Variants in LRP1B observed in about 807,000 individuals in gnomAD.
LRP1B encodes the protein LDL receptor related protein 1B.
A neutral mutation model predicts 556.6 loss-of-function variants in LRP1B; 217 were observed. That is an observed-to-expected ratio of 0.39 (90% CI 0.35 to 0.44). LRP1B has a LOEUF of 0.44. Among genes scored for constraint, LRP1B ranks in the 20% least tolerant of loss-of-function variants. The pLI, the probability that LRP1B is intolerant of heterozygous loss-of-function variation, is 1.00. For synonymous variants in LRP1B, 2,047 were observed against 1,865.8 expected (o/e 1.10, Z -2.50); for missense variants, 5,053 against 5,620.8 (o/e 0.90, Z 3.23).
chr2:141,577,205 C>T (rs182910068), intron 2 of LRP1B, among the ~76,000 whole-genome samples: 125 of 152,174 alleles, frequency 8.2e-4, no homozygotes, highest in East Asian at 1.4e-3. Context: ...GGAAGATCAC[C>T]TAAATCTTTT....
chr2:141,482,462 G>C (rs1366696769), intron 2 of LRP1B, among the ~76,000 whole-genome samples: 5 of 151,940 alleles, frequency 3.3e-5, no homozygotes, highest in Middle Eastern at 3.2e-3. Flanking sequence ...TCTGTAACTT[G>C]AGTATCAATA....
At chr2:140,952,312 T>C (rs1174594614) in intron 18 of LRP1B, among the ~76,000 whole-genome samples, 1 of 151,974 alleles carries the variant, frequency 6.6e-6, no homozygotes, top group Non-Finnish European at 1.5e-5. Context: ...GTAATGTGTT[T>C]ATGCTTTAAT....
chr2:141,782,115 A>G (rs1574353409), intron 2 of LRP1B, among the ~76,000 whole-genome samples: 1 of 152,246 alleles, frequency 6.6e-6, no homozygotes, highest in South Asian at 2.1e-4. Context: ...ATTCAGCTAG[A>G]AAAATGCTGC....
chr2:141,911,277 A>G lies in LRP1B; in HGVS notation c.83-100876T>C, dbSNP rs1404276372. ...ATGCAATCTCTCTTTAACCACTTCT[A>G]TAATACTGTCAAAACAGTTCATTCC... On this transcript the variant is annotated intron_variant, in intron 1 of 90. Transcript: ENST00000389484. Among the ~76,000 whole-genome samples the G allele has an allele frequency of 3.3e-5, 5 of 152,180 alleles. No individual in the cohort carries two copies. The East Asian group carries it at 7.7e-4, about 23-fold the overall frequency.
intron 43 of LRP1B, among the ~76,000 whole-genome samples, chr2:140,584,108 C>A (rs1681888199): frequency 6.6e-6 from 1 of 151,832 alleles, no homozygotes; most frequent in African/African-American, 2.4e-5. Context: ...GAAATATTGC[C>A]TCAAGCTCAA....
chr2:140,241,581 G>A (rs528294278), intron 87 of LRP1B, among the ~76,000 whole-genome samples: 3 of 150,602 alleles, frequency 2.0e-5, no homozygotes, highest in Non-Finnish European at 4.5e-5. Flanking sequence ...GATGGCAGTT[G>A]CAATCCCATA....
intron 1 of LRP1B, among the ~76,000 whole-genome samples, chr2:142,124,140 G>A (rs1019182547): frequency 1.3e-5 from 2 of 151,758 alleles, no homozygotes; most frequent in Non-Finnish European, 3.0e-5. Context: ...TACCACCCAG[G>A]TGTTAAGCCC....
chr2:141,162,013 G>T (rs1680058385), intron 7 of LRP1B, among the ~76,000 whole-genome samples: 1 of 152,026 alleles, frequency 6.6e-6, no homozygotes, highest in South Asian at 2.1e-4. Context: ...AAAGGGGTGT[G>T]AAGATTATAT....
rs1574006791 is a variant in LRP1B, at chr2:141,490,298, A to T, written c.206-9765T>A. Among the ~76,000 whole-genome samples, 3 of 151,872 alleles carry T rather than the reference A, an allele frequency of 2.0e-5. No homozygotes were observed. In the South Asian group the frequency reaches 6.2e-4, roughly 32 times the overall value. ...GTATTATTATGAATATAAACAATGGATGTCTAGTTAACATCCTTTTACTGA... is the reference window on the plus strand; with the variant it reads ...GTATTATTATGAATATAAACAATGGTTGTCTAGTTAACATCCTTTTACTGA... On this transcript the variant is annotated intron_variant, in intron 2 of 90. Transcript: ENST00000389484.
At chr2:140,267,291 T>A (rs1447935964) in intron 86 of LRP1B, among the ~76,000 whole-genome samples, 1 of 151,988 alleles carries the variant, frequency 6.6e-6, no homozygotes, top group Admixed American at 6.6e-5. Context: ...TTGCTTCTTA[T>A]ATGGTTTAAC....
chr2:140,298,139 A>ATAT (rs1211389645), intron 83 of LRP1B, among the ~76,000 whole-genome samples, 170 bp from the exon 84 acceptor site: 1 of 152,160 alleles, frequency 6.6e-6, no homozygotes, highest in Non-Finnish European at 1.5e-5. Context: ...TCAGTTTTTC[A>ATAT]TATGTTCAAG....
intron 31 of LRP1B, among the ~76,000 whole-genome samples, chr2:140,818,726 A>G (rs1009617050): frequency 6.6e-6 from 1 of 152,014 alleles, no homozygotes; most frequent in African/African-American, 2.4e-5. Flanking sequence ...CTTTCAGTTA[A>G]GAGGTCGAGA....
intron 32 of LRP1B, among the ~76,000 whole-genome samples, chr2:140,789,989 C>T (rs554631767): frequency 2.0e-5 from 3 of 152,164 alleles, no homozygotes; most frequent in Admixed American, 6.5e-5. Context: ...AATTTTCACA[C>T]GGCTGATCTT....
At chr2:141,343,762 T>C (rs142930704) in intron 3 of LRP1B, among the ~76,000 whole-genome samples, 1 of 152,340 alleles carries the variant, frequency 6.6e-6, no homozygotes, top group Non-Finnish European at 1.5e-5. Context: ...AGGTTGCTTT[T>C]TACCTAGCCT....
chr2:141,742,474 G>A (rs796624680), intron 2 of LRP1B, among the ~76,000 whole-genome samples: 3 of 151,856 alleles, frequency 2.0e-5, no homozygotes, highest in African/African-American at 4.8e-5. Context: ...GGCTGGTCTC[G>A]AACTCCTGAC....
chr2:141,882,111 C>T (rs1017156004), intron 1 of LRP1B, among the ~76,000 whole-genome samples: 1 of 152,034 alleles, frequency 6.6e-6, no homozygotes, highest in East Asian at 1.9e-4. Context: ...ACACCCTGCC[C>T]ATCTCATGTG....
At chr2:141,516,135 T>A (rs557507405) in intron 2 of LRP1B, among the ~76,000 whole-genome samples, 2 of 152,300 alleles carry the variant, frequency 1.3e-5, no homozygotes, top group South Asian at 2.1e-4. Flanking sequence ...CCACATCCAT[T>A]TCTCAGGAAA....
intron 1 of LRP1B, among the ~76,000 whole-genome samples, chr2:142,036,784 A>C (rs1276013252): frequency 6.6e-6 from 1 of 151,738 alleles, no homozygotes; most frequent in Non-Finnish European, 1.5e-5. Context: ...TGACATAGCT[A>C]TTGTAATCAC....
At chr2:140,323,035 T>TTGGTTTTATC (rs575665232) in intron 81 of LRP1B, among the ~76,000 whole-genome samples, 316 of 152,138 alleles carry the variant, frequency 2.1e-3, no homozygotes, top group African/African-American at 7.3e-3. Context: ...GAAACTCTAT[T>TTGGTTTTATC]TGGTTTTATC....
Sources: allele counts gnomAD v4.1 joint callset (sites outside exome capture counted in the v4.1 genomes callset), GRCh38; gene constraint gnomAD v4.1.1; transcripts MANE v1.5; gene names NCBI Gene and HGNC (gene_info 2026-07-23, HGNC 2026-07-21).